Variants in SH3RF3 observed in about 807,000 individuals in gnomAD.
SH3RF3 encodes the protein E3 ubiquitin-protein ligase SH3RF3.
In SH3RF3, 29 loss-of-function variants were observed where a neutral mutation model predicts 66.3. The ratio of observed to expected loss-of-function variants is 0.44; its 90% CI spans 0.33 to 0.60. SH3RF3 has a LOEUF of 0.60. SH3RF3 is among the 20% of genes least tolerant of loss of function. The pLI, the probability that SH3RF3 is intolerant of heterozygous loss-of-function variation, is 0.04. For missense variants in SH3RF3, 1,194 were observed against 1,190.9 expected (o/e 1.00, Z -0.04); for synonymous variants, 583 against 532.0 (o/e 1.10, Z -1.32).
chr2:109,133,525 C>T (rs1676745339), intron 1 of SH3RF3, among the ~76,000 whole-genome samples: 1 of 152,150 alleles, frequency 6.6e-6, no homozygotes, highest in Admixed American at 6.5e-5. Flanking sequence ...TGAACACAGT[C>T]ACCTTTTATG....
intron 1 of SH3RF3, among the ~76,000 whole-genome samples, chr2:109,138,916 A>G (rs1448577636): frequency 1.3e-5 from 2 of 152,236 alleles, no homozygotes; most frequent in Non-Finnish European, 2.9e-5. Context: ...CCTTTCTGCA[A>G]CTGACCATTC....
intron 1 of SH3RF3, among the ~76,000 whole-genome samples, chr2:109,157,847 C>G (rs2104896032): frequency 6.6e-6 from 1 of 152,146 alleles, no homozygotes. Flanking sequence ...AAAGCATGTC[C>G]AGGATTAAGG....
chr2:109,258,377 G>A (rs1343030090), intron 1 of SH3RF3, among the ~76,000 whole-genome samples: 3 of 152,180 alleles, frequency 2.0e-5, no homozygotes, highest in African/African-American at 7.2e-5. Context: ...AAACCCTAGT[G>A]CAGCCGGGTT....
At chr2:109,325,673 T>A (rs1380992981) in intron 1 of SH3RF3, among the ~76,000 whole-genome samples, 2 of 152,188 alleles carry the variant, frequency 1.3e-5, no homozygotes, top group African/African-American at 4.8e-5. Flanking sequence ...TAGAAGGTTC[T>A]TTTCTATATG....
At chr2:109,487,143 A>T (rs1024388187) in intron 8 of SH3RF3, among the ~76,000 whole-genome samples, 2 of 152,102 alleles carry the variant, frequency 1.3e-5, no homozygotes, top group African/African-American at 4.8e-5. Flanking sequence ...TTGCTTGCTT[A>T]CTCCCAGTCC....
intron 5 of SH3RF3, among the ~76,000 whole-genome samples, chr2:109,423,623 G>A (rs967769160): frequency 6.6e-6 from 1 of 152,196 alleles, no homozygotes; most frequent in Non-Finnish European, 1.5e-5. Flanking sequence ...GCCAGGCTTG[G>A]AACGAAGGCC....
At chr2:109,185,617 G>A (rs1678166856) in intron 1 of SH3RF3, among the ~76,000 whole-genome samples, 3 of 152,120 alleles carry the variant, frequency 2.0e-5, no homozygotes, top group African/African-American at 4.8e-5. Context: ...CAGAGAAGCC[G>A]GAGCCAAGTC....
intron 1 of SH3RF3, among the ~76,000 whole-genome samples, chr2:109,346,472 A>G (rs1313956454): frequency 6.6e-6 from 1 of 152,160 alleles, no homozygotes; most frequent in Admixed American, 6.5e-5. Context: ...GGCTTCTGGT[A>G]GGAAAATCGT....
At chr2:109,418,961 A>C (rs929823517) in intron 4 of SH3RF3, among the ~76,000 whole-genome samples, 1 of 152,070 alleles carries the variant, frequency 6.6e-6, no homozygotes, top group Non-Finnish European at 1.5e-5. Flanking sequence ...CAGAGAGCAC[A>C]GCGCACCCCT....
intron 4 of SH3RF3, among the ~76,000 whole-genome samples, chr2:109,402,856 C>T (rs1676351821): frequency 6.6e-6 from 1 of 152,154 alleles, no homozygotes; most frequent in South Asian, 2.1e-4. Context: ...TTATTGAATC[C>T]TCATTGAACG....
At chr2:109,219,295 C>T (rs1340731164) in intron 1 of SH3RF3, among the ~76,000 whole-genome samples, 3 of 127,718 alleles carry the variant, frequency 2.3e-5, no homozygotes, top group African/African-American at 9.4e-5. Flanking sequence ...ATTTCCAAAA[C>T]ATTTTGTGTA....
chr2:109,221,409 C>T (rs990569917), intron 1 of SH3RF3, among the ~76,000 whole-genome samples: 1 of 151,998 alleles, frequency 6.6e-6, no homozygotes, highest in Non-Finnish European at 1.5e-5. Flanking sequence ...ATGGCAAAAC[C>T]CTGTCTCTAC....
intron 1 of SH3RF3, among the ~76,000 whole-genome samples, chr2:109,293,185 G>T (rs549490986): frequency 6.6e-6 from 1 of 152,366 alleles, no homozygotes; most frequent in East Asian, 1.9e-4. Flanking sequence ...CTCCGATGGT[G>T]CTGTGTGGGG....
chr2:109,304,066 A>G (rs1574561615), intron 1 of SH3RF3, among the ~76,000 whole-genome samples: 1 of 150,830 alleles, frequency 6.6e-6, no homozygotes, highest in East Asian at 1.9e-4. Flanking sequence ...GCGCCATTGC[A>G]CTCCAGCCTG....
intron 8 of SH3RF3, among the ~76,000 whole-genome samples, chr2:109,475,077 G>A (rs916003506): frequency 9.2e-5 from 14 of 152,142 alleles, no homozygotes; most frequent in African/African-American, 2.4e-4. Flanking sequence ...TCCCAGGTTC[G>A]AGCGATCCTC....
In SH3RF3 at chr2:109,347,940, C is replaced by T; in HGVS notation, c.840C>T (p.Thr280=). Residue 280 remains threonine (T), a synonymous_variant, in exon 2 of 10, where the codon ACC becomes ACT. Transcript: ENST00000309415. ...AAGACCAAGACAAGGACTGTCTGAC[C>T]TTCACCAAGGTAAGGTGAGCCCCGG... ...KDKDQDKDCL[T]FTKDEILTVL... The T allele has an allele frequency of 1.2e-6, 2 of 1,602,966 alleles. No individual in the cohort carries two copies. The highest frequency in any genetic ancestry group is 1.1e-5 in the South Asian group (1 of 88,830).
intron 3 of SH3RF3, among the ~76,000 whole-genome samples, chr2:109,376,261 T>C (rs1683381261): frequency 1.3e-5 from 2 of 152,212 alleles, no homozygotes; most frequent in South Asian, 4.1e-4. Flanking sequence ...AGGTTTGCAG[T>C]TGGATGATGT....
intron 1 of SH3RF3, among the ~76,000 whole-genome samples, chr2:109,167,633 A>C (rs929772622): frequency 6.6e-6 from 1 of 152,148 alleles, no homozygotes; most frequent in Non-Finnish European, 1.5e-5. Context: ...GTGCAGCGGC[A>C]CGATCTCGGC....
intron 5 of SH3RF3, among the ~76,000 whole-genome samples, chr2:109,423,275 G>T (rs529996597): frequency 2.6e-5 from 4 of 152,168 alleles, no homozygotes; most frequent in South Asian, 4.2e-4. Flanking sequence ...CTGAGGTGCA[G>T]ACCAGGGTCC....
Sources: gnomAD v4.1 joint callset for allele counts (sites outside exome capture counted in the v4.1 genomes callset) on GRCh38, gnomAD v4.1.1 for gene constraint, MANE v1.5 for transcripts, NCBI Gene and HGNC (gene_info 2026-07-23, HGNC 2026-07-21) for gene names.